RHOT2: variants seen among roughly 807,000 people sequenced by gnomAD.
RHOT2 encodes the protein ras homolog family member T2.
In RHOT2, 90 loss-of-function variants were observed where a neutral mutation model predicts 81.6. That is an observed-to-expected ratio of 1.10 (90% CI 0.93 to 1.31). RHOT2 has a LOEUF of 1.31. RHOT2 is among the 40% of genes most tolerant of loss of function. The probability of loss-of-function intolerance (pLI) is 0.00; values close to 1 mark genes in which losing one functional copy is unlikely to be tolerated. For synonymous variants in RHOT2, 512 were observed against 370.9 expected (o/e 1.38, Z -4.37); for missense variants, 1,014 against 841.9 (o/e 1.20, Z -2.53).
At chr16:668,281 C>A in intron 1 of RHOT2, 45 bp downstream of exon 1, 1 of 1,111,620 alleles carries the variant, frequency 9.0e-7, no homozygotes, top group Non-Finnish European at 1.2e-6. Context: ...GGCCGTGAGG[C>A]GGGGTGAGGG....
Position 670,575 on chromosome 16 carries a change from C to T in RHOT2, c.540+18C>T, listed in dbSNP as rs753626451. The T allele has an allele frequency of 6.3e-7, 1 of 1,594,992 alleles. No homozygotes were observed. The highest frequency in any genetic ancestry group is 8.6e-7 in the Non-Finnish European group (1 of 1,169,428). On this transcript the variant is annotated intron_variant, in intron 8 of 18. Transcript: ENST00000315082. ...CCAAGCAGGTGAGCATCGGCTGGGG[C>T]CCCGCACGCTGGTTCCCCAGGGGCC... is the stretch of plus-strand genomic sequence containing the variant.
intron 8 of RHOT2, 47 bp downstream of exon 8, chr16:670,604 G>A (rs779092874): frequency 1.8e-5 from 29 of 1,600,208 alleles, no homozygotes; most frequent in Non-Finnish European, 2.5e-5. Context: ...AGGGGCCCAG[G>A]GGGTGCTGGG....
rs369318196 is a variant in RHOT2, at chr16:671,684, G to T, written c.870-13G>T. 15 of 1,609,272 alleles carry T rather than the reference G, an allele frequency of 9.3e-6. No individual in the cohort carries two copies. Among genetic ancestry groups the T allele is most frequent in the Non-Finnish European group, 1.3e-5 (15 of 1,177,404 alleles). On this transcript the variant is annotated splice_polypyrimidine_tract_variant and intron_variant, in intron 11 of 18. Transcript: ENST00000315082. ...GTCTCCTGGGAGCTAGACGGGCTGT[G>T]GCCTCCCTGCAGGATCCACGTGCCC... is the stretch of plus-strand genomic sequence containing the variant.
At position 673,796 on chromosome 16, in the gene RHOT2, C is replaced by A; in HGVS notation, c.*190C>A. ...CTGCCATGCACTGCCCTGGCTCCTG[C>A]CGGACCCCCAGGGTGGGCCGTGGCA... On this transcript the variant is annotated 3_prime_UTR_variant, in exon 19 of 19. Coordinates refer to ENST00000315082, the MANE Select transcript of RHOT2 (RefSeq NM_138769.3). The A allele has an allele frequency of 1.3e-6, 1 of 754,786 alleles. No homozygotes were observed. The highest frequency in any genetic ancestry group is 2.1e-6 in the Non-Finnish European group (1 of 479,224). The allele number at this position is 754,786 out of a possible 1,614,324, so 46.8% of individuals were successfully genotyped here.
intron 11 of RHOT2, chr16:671,404 G>T (rs752279065): frequency 1.1e-5 from 8 of 749,356 alleles, no homozygotes; most frequent in Non-Finnish European, 1.5e-5. Context: ...AGAGCTCTGA[G>T]TCGGGGGGTG....
Position 673,683 on chromosome 16 carries a change from G to C in RHOT2, c.*77G>C. 1.3e-6 allele frequency: 2 copies of C among 1,533,700 alleles called. No homozygotes were observed. Among genetic ancestry groups the C allele is most frequent in the African/African-American group, 2.8e-5 (2 of 71,782 alleles). On this transcript the variant is annotated 3_prime_UTR_variant, in exon 19 of 19. Coordinates refer to ENST00000315082, the MANE Select transcript of RHOT2 (RefSeq NM_138769.3). ...GGGCTCTGCAGGGGCAGCACAGCTGGGGTGCAGGCCAGGCTGCCACTCCGG... is the reference window on the plus strand; with the variant it reads ...GGGCTCTGCAGGGGCAGCACAGCTGCGGTGCAGGCCAGGCTGCCACTCCGG...
At position 668,964 on chromosome 16, in the gene RHOT2, C is replaced by T. The variant is rs971884462; in HGVS notation, c.222+265C>T. ...CGGGGTGGCAGCAGCGTTTGCTCTT[C>T]CTGTGGGCTCTGTGTGCGCCACGTC... is the stretch of plus-strand genomic sequence containing the variant. On this transcript the variant is annotated intron_variant, in intron 4 of 18. Transcript: ENST00000315082. The T allele has an allele frequency of 1.7e-5, 9 of 528,714 alleles. No individual in the cohort carries two copies. The South Asian group carries it at 2.1e-4, about 12-fold the overall frequency. The allele number at this position is 528,714 out of a possible 1,614,324, so 32.8% of individuals were successfully genotyped here.
intron 5 of RHOT2, 172 bp downstream of exon 5, chr16:669,778 G>A (rs1020766146): frequency 2.9e-6 from 2 of 695,056 alleles, no homozygotes; most frequent in African/African-American, 1.8e-5. Flanking sequence ...CACTTCCCCT[G>A]AGAGGGTCTG....
Position 673,536 on chromosome 16 carries a change from G to T in RHOT2, c.1787G>T (p.Gly596Val). 6.2e-7 allele frequency: 1 copy of T among 1,612,646 alleles called. No homozygotes were observed. The highest frequency in any genetic ancestry group is 8.5e-7 in the Non-Finnish European group (1 of 1,179,938). ...PSSFWLRGLL[G>V]VVGAAVAAVL... ...TCCTTCTGGCTCCGGGGGCTGCTGG[G>T]GGTTGTCGGGGCCGCCGTGGCCGCA... The change falls in exon 19 of 19, where the codon GGG (glycine) becomes GTG (valine). Residue 596 changes from glycine (G) to valine (V), a missense_variant. Physicochemically the swap from Gly to Val is moderately radical, Grantham distance 109. Coordinates refer to ENST00000315082, the MANE Select transcript of RHOT2 (RefSeq NM_138769.3).
At chr16:669,860 G>A (rs1039342493) in intron 5 of RHOT2, 102 of 615,324 alleles carry the variant, frequency 1.7e-4, no homozygotes, top group Non-Finnish European at 2.2e-4. Flanking sequence ...CCCCGGGGGG[G>A]GACCCGCAGA....
Position 673,800 on chromosome 16 carries a change from AC to A in RHOT2, c.*199del. On this transcript the variant is annotated 3_prime_UTR_variant, in exon 19 of 19. Transcript: ENST00000315082. The stretch of plus-strand genomic sequence containing the variant: ...CATGCACTGCCCTGGCTCCTGCCGG[AC>A]CCCCAGGGTGGGCCGTGGCAGGTGG... 1.4e-6 allele frequency: 1 copy of A among 738,038 alleles called. No individual in the cohort carries two copies. Among genetic ancestry groups the A allele is most frequent in the Non-Finnish European group, 2.1e-6 (1 of 465,386 alleles). 45.7% of individuals were successfully genotyped at this position (738,038 alleles called of 1,614,324 possible). A position where few individuals can be genotyped will look rare whatever the true frequency, so the allele number is the denominator to read the frequency against.
intron 8 of RHOT2, 23 bp from the exon 9 acceptor site, chr16:670,652 G>T (rs754386824): frequency 6.2e-7 from 1 of 1,610,710 alleles, no homozygotes; most frequent in Non-Finnish European, 8.5e-7. Flanking sequence ...TCACCTGAGG[G>T]TGCTGAGCCA....
In RHOT2 at chr16:672,963, T is replaced by C; in HGVS notation, c.1563T>C (p.Phe521=). The C allele has an allele frequency of 6.2e-7, 1 of 1,612,818 alleles. No homozygotes were observed. The change falls in exon 18 of 19, where the codon TTT becomes TTC. Residue 521 remains phenylalanine (F), a synonymous_variant. Coordinates refer to ENST00000315082, the MANE Select transcript of RHOT2 (RefSeq NM_138769.3). Reference sequence around the variant, plus strand: ...TGGACGGGCAGACCCCCTGCCTCTTTGTCTCCTCCAAGGCCGACCTGCCCG... The same window carrying C: ...TGGACGGGCAGACCCCCTGCCTCTTCGTCTCCTCCAAGGCCGACCTGCCCG... ...HYMDGQTPCL[F]VSSKADLPEG...
At chr16:669,196 C>A (rs1233154753) in intron 4 of RHOT2, 3 of 424,996 alleles carry the variant, frequency 7.1e-6, no homozygotes, top group Non-Finnish European at 8.6e-6. Context: ...GGCTGTCTTG[C>A]AGGGTGTTGG....
chr16:668,364 A>G lies in RHOT2; in HGVS notation c.49A>G (p.Lys17Glu). ...ILLLGEAQVG[K>E]TSLILSLVGE... Reference sequence around the variant, plus strand: ...CTCGCCCCGCGCAGCCCAGGTGGGGAAGACGTCGCTGATCCTGTCCCTGGT... The same window carrying G: ...CTCGCCCCGCGCAGCCCAGGTGGGGGAGACGTCGCTGATCCTGTCCCTGGT... The change falls in exon 2 of 19, where the codon AAG (lysine) becomes GAG (glutamate). Residue 17 changes from lysine to glutamate, a missense_variant. Lys to Glu is a moderately conservative substitution (Grantham distance 56, BLOSUM62 1). Transcript: ENST00000315082. 1 of 1,424,736 alleles carries G rather than the reference A, an allele frequency of 7.0e-7. No individual in the cohort carries two copies. Among genetic ancestry groups the G allele is most frequent in the Non-Finnish European group, 9.1e-7 (1 of 1,096,884 alleles). 88.3% of individuals were successfully genotyped at this position (1,424,736 alleles called of 1,614,324 possible). A position where few individuals can be genotyped will look rare whatever the true frequency, so the allele number is the denominator to read the frequency against.
chr16:671,272 C>G lies in RHOT2; in HGVS notation c.869+69C>G. ...GGAGCTGACTGCCGACTATCTCTCC[C>G]CTCCATGAGTGACGCTGGGGTTTGA... On this transcript the variant is annotated intron_variant, in intron 11 of 18. Coordinates refer to ENST00000315082, the MANE Select transcript of RHOT2 (RefSeq NM_138769.3). 3.3e-6 allele frequency: 5 copies of G among 1,501,050 alleles called. No homozygotes were observed. In the South Asian group the frequency reaches 5.3e-5, roughly 16 times the overall value. The allele number at this position is 1,501,050 out of a possible 1,614,324, so 93.0% of individuals were successfully genotyped here.
intron 8 of RHOT2, 21 bp downstream of exon 8, chr16:670,578 C>G: frequency 1.3e-6 from 2 of 1,596,872 alleles, no homozygotes; most frequent in Non-Finnish European, 1.7e-6. Flanking sequence ...GCTGGGGCCC[C>G]GCACGCTGGT....
Position 669,309 on chromosome 16 carries a change from G to C in RHOT2, c.223-244G>C, listed in dbSNP as rs1393980454. The C allele has an allele frequency of 2.4e-5, 14 of 573,692 alleles. No individual in the cohort carries two copies. In the South Asian group the frequency reaches 2.6e-4, roughly 11 times the overall value. The allele number at this position is 573,692 out of a possible 1,614,324, so 35.5% of individuals were successfully genotyped here. On this transcript the variant is annotated intron_variant, in intron 4 of 18. Coordinates refer to ENST00000315082, the MANE Select transcript of RHOT2 (RefSeq NM_138769.3). ...GGTGTCCCTGCACTGGCAGTGGGCG[G>C]GGAAGAGGCTTCTCTGAGGGTTCAG...
At position 672,340 on chromosome 16, in the gene RHOT2, G is replaced by A. The variant is rs2039105058; in HGVS notation, c.1282G>A (p.Gly428Ser). The A allele has an allele frequency of 6.2e-7, 1 of 1,611,998 alleles. No homozygotes were observed. The highest frequency in any genetic ancestry group is 1.1e-5 in the South Asian group (1 of 91,000). Residue 428 changes from glycine to serine, a missense_variant, in exon 15 of 19, where the codon GGC becomes AGC. Physicochemically the swap from Gly to Ser is moderately conservative, Grantham distance 56. Coordinates refer to ENST00000315082, the MANE Select transcript of RHOT2 (RefSeq NM_138769.3). Reference sequence around the variant, plus strand: ...CAAGGTGGTAGGGGCCCGTGGAGTGGGCAAGTCTGCCTTCCTGCAGGCCTT... The same window carrying A: ...CAAGGTGGTAGGGGCCCGTGGAGTGAGCAAGTCTGCCTTCCTGCAGGCCTT... Reference protein sequence around the residue: ...LCKVVGARGVGKSAFLQAFLG... With the variant: ...LCKVVGARGVSKSAFLQAFLG...
Sources: gnomAD v4.1 joint callset for allele counts on GRCh38, gnomAD v4.1.1 for gene constraint, MANE v1.5 for transcripts, NCBI Gene and HGNC (gene_info 2026-07-23, HGNC 2026-07-21) for gene names.